Variants in ME3 observed in about 807,000 individuals in gnomAD.
ME3 encodes the protein malic enzyme 3.
ME3 carries 48 observed loss-of-function variants against 68.9 expected under a neutral mutation model. The observed-to-expected ratio is 0.70, with a 90% confidence interval of 0.55 to 0.89. The LOEUF (loss-of-function observed/expected upper bound fraction) is 0.89. Among genes scored for constraint, ME3 ranks in the 40% least tolerant of loss-of-function variants. The pLI, the probability that ME3 is intolerant of heterozygous loss-of-function variation, is 0.00. For missense variants in ME3, 675 were observed against 797.4 expected (o/e 0.85, Z 1.85); for synonymous variants, 320 against 318.8 (o/e 1.00, Z -0.04).
intron 7 of ME3, among the ~76,000 whole-genome samples, chr11:86,485,966 A>G (rs775257838): frequency 8.5e-5 from 13 of 152,126 alleles, no homozygotes; most frequent in Non-Finnish European, 1.9e-4. Flanking sequence ...CAGTCTGGAC[A>G]TTCTCCCACT....
rs540667744 is a variant in ME3, at chr11:86,598,172, G to A, written c.184-38349C>T. ...GTGCCTCACTCGGGAAGTGCAAGGG[G>A]TCAGGGAGTTCCCTTTCCTGGTCAA... On this transcript the variant is annotated intron_variant, in intron 2 of 14. Coordinates refer to ENST00000543262, the Ensembl canonical transcript of ME3. Among the ~76,000 whole-genome samples the A allele has an allele frequency of 3.8e-4, 58 of 152,314 alleles. 1 individual carries two copies. The highest frequency in any genetic ancestry group is 1.1e-3 in the African/African-American group (47 of 41,588).
chr11:86,469,090 G>C (rs962027957), intron 7 of ME3, among the ~76,000 whole-genome samples: 8 of 152,260 alleles, frequency 5.3e-5, no homozygotes, highest in Admixed American at 2.6e-4. Flanking sequence ...AGGTAATAAG[G>C]CTGGATTTCT....
At chr11:86,468,790 G>A (rs375781605) in intron 7 of ME3, among the ~76,000 whole-genome samples, 15 of 151,806 alleles carry the variant, frequency 9.9e-5, no homozygotes, top group African/African-American at 3.6e-4. Context: ...TAACAACAAT[G>A]GTAAAAAAAA....
At chr11:86,606,093 C>T (rs1961605743) in intron 2 of ME3, among the ~76,000 whole-genome samples, 1 of 152,140 alleles carries the variant, frequency 6.6e-6, no homozygotes, top group African/African-American at 2.4e-5. Flanking sequence ...CCTCCCTCCC[C>T]AAAGCTACCA....
At chr11:86,663,060 A>C (rs572783659) in intron 2 of ME3, among the ~76,000 whole-genome samples, 2 of 152,222 alleles carry the variant, frequency 1.3e-5, no homozygotes, top group Non-Finnish European at 2.9e-5. Flanking sequence ...AGAATTCCAC[A>C]CTACAGAGGA....
At chr11:86,619,849 A>G (rs954746508) in intron 2 of ME3, among the ~76,000 whole-genome samples, 3 of 152,214 alleles carry the variant, frequency 2.0e-5, no homozygotes. Flanking sequence ...AATATTATAC[A>G]TTAATTAGGG....
At chr11:86,651,430 G>A (rs1003912787) in intron 2 of ME3, among the ~76,000 whole-genome samples, 1 of 152,194 alleles carries the variant, frequency 6.6e-6, no homozygotes, top group Non-Finnish European at 1.5e-5. Context: ...AACATTTGCT[G>A]TTCATCAATA....
chr11:86,660,849 T>A (rs990528109), intron 2 of ME3, among the ~76,000 whole-genome samples: 1 of 152,186 alleles, frequency 6.6e-6, no homozygotes. Context: ...CTTAAAGAAA[T>A]GTATTTCCAA....
At chr11:86,475,756 C>T (rs1401183932) in intron 7 of ME3, among the ~76,000 whole-genome samples, 1 of 151,336 alleles carries the variant, frequency 6.6e-6, no homozygotes, top group Non-Finnish European at 1.5e-5. Context: ...CTCAGATATT[C>T]CAAGAATGCA....
chr11:86,533,927 C>T (rs115809611), intron 4 of ME3, among the ~76,000 whole-genome samples: 1,627 of 152,196 alleles, frequency 0.011, 33 homozygotes, highest in African/African-American at 0.036. Flanking sequence ...ACCTAGGCTA[C>T]GTGGCATAGC....
chr11:86,556,481 T>A, intron 4 of ME3, 72 bp downstream of exon 4: 1 of 1,527,310 alleles, frequency 6.5e-7, no homozygotes, highest in East Asian at 2.3e-5. Context: ...CCAATATGCA[T>A]GAAGGGCGGA....
chr11:86,572,189 C>T, intron 2 of ME3, among the ~76,000 whole-genome samples: 1 of 152,146 alleles, frequency 6.6e-6, no homozygotes, highest in East Asian at 1.9e-4. Context: ...GGCTTTGTTG[C>T]ATCCAGTAAA....
At chr11:86,564,992 C>A (rs187724170) in intron 2 of ME3, among the ~76,000 whole-genome samples, 1 of 152,172 alleles carries the variant, frequency 6.6e-6, no homozygotes, top group African/African-American at 2.4e-5. Context: ...TCCTACAGCA[C>A]AACAAAAAGA....
At chr11:86,481,538 A>AAAT (rs1951407628) in intron 7 of ME3, among the ~76,000 whole-genome samples, 1 of 152,180 alleles carries the variant, frequency 6.6e-6, no homozygotes, top group African/African-American at 2.4e-5. Context: ...GGTCAGTATT[A>AAAT]GCATATTAGA....
At chr11:86,579,378 G>C (rs1437888806) in intron 2 of ME3, among the ~76,000 whole-genome samples, 1 of 152,074 alleles carries the variant, frequency 6.6e-6, no homozygotes, top group Non-Finnish European at 1.5e-5. Flanking sequence ...GGTGTTCCTG[G>C]CTTCAAATAA....
chr11:86,523,047 T>C (rs1475216770), intron 4 of ME3, among the ~76,000 whole-genome samples: 1 of 152,194 alleles, frequency 6.6e-6, no homozygotes, highest in Admixed American at 6.5e-5. Flanking sequence ...ATTCACTCTT[T>C]GCCAAACTCT....
intron 4 of ME3, among the ~76,000 whole-genome samples, chr11:86,531,537 G>A (rs1955231567): frequency 6.6e-6 from 1 of 152,190 alleles, no homozygotes; most frequent in Non-Finnish European, 1.5e-5. Flanking sequence ...CTGCTATAAA[G>A]ACACATGCAC....
chr11:86,505,237 C>T (rs1354919284), intron 5 of ME3, among the ~76,000 whole-genome samples: 1 of 151,844 alleles, frequency 6.6e-6, no homozygotes, highest in African/African-American at 2.4e-5. Context: ...AAATTCTAAA[C>T]CTTTAAAAGG....
intron 4 of ME3, among the ~76,000 whole-genome samples, chr11:86,520,257 G>A (rs1954173781): frequency 6.6e-6 from 1 of 152,194 alleles, no homozygotes; most frequent in Admixed American, 6.5e-5. Context: ...GACTCCATCA[G>A]TGGGACCTCC....
Sources: gnomAD v4.1 joint callset for allele counts (sites outside exome capture counted in the v4.1 genomes callset) on GRCh38, gnomAD v4.1.1 for gene constraint, MANE v1.5 for transcripts, NCBI Gene and HGNC (gene_info 2026-07-23, HGNC 2026-07-21) for gene names.